DNAJB13: variants seen among roughly 807,000 people sequenced by gnomAD.
The protein encoded by DNAJB13 is dnaJ homolog subfamily B member 13.
In DNAJB13, 22 loss-of-function variants were observed where a neutral mutation model predicts 35.6. That is an observed-to-expected ratio of 0.62 (90% CI 0.44 to 0.88). The LOEUF is 0.88. Among genes scored for constraint, DNAJB13 ranks in the 40% least tolerant of loss-of-function variants. The pLI is 0.00. For synonymous variants in DNAJB13, 136 were observed against 144.2 expected (o/e 0.94, Z 0.41); for missense variants, 370 against 384.3 (o/e 0.96, Z 0.31).
chr11:73,958,153 T>C (rs1021135285), intron 1 of DNAJB13, among the ~76,000 whole-genome samples, 164 bp from the exon 2 acceptor site: 1 of 152,172 alleles, frequency 6.6e-6, no homozygotes, highest in African/African-American at 2.4e-5. Flanking sequence ...CCGCACCAGC[T>C]ACTCTTCAAG....
intron 1 of DNAJB13, among the ~76,000 whole-genome samples, chr11:73,956,510 G>A (rs1231745858): frequency 6.6e-6 from 1 of 152,260 alleles, no homozygotes; most frequent in Admixed American, 6.5e-5. Context: ...TGGTCAGAAA[G>A]TATTTCAGAA....
intron 3 of DNAJB13, among the ~76,000 whole-genome samples, chr11:73,963,399 T>C (rs1439649717): frequency 6.6e-6 from 1 of 151,290 alleles, no homozygotes; most frequent in Non-Finnish European, 1.5e-5. Context: ...AGTCCAAAAA[T>C]GCCATACAGT....
rs1383492600 is a variant in DNAJB13, at chr11:73,960,259, C to A, written c.334+604C>A. Among the ~76,000 whole-genome samples, 4 of 152,188 alleles carry A rather than the reference C, an allele frequency of 2.6e-5. 1 individual carries two copies. The highest frequency in any genetic ancestry group is 2.6e-4 in the Admixed American group (4 of 15,278). On this transcript the variant is annotated intron_variant, in intron 3 of 7. Transcript: ENST00000339764. ...GTGGCATGATCTCTGCTCACTGCAACCTCCGCCTCCGGGGTTCAAGCAGTT... is the reference window on the plus strand; with the variant it reads ...GTGGCATGATCTCTGCTCACTGCAAACTCCGCCTCCGGGGTTCAAGCAGTT...
chr11:73,959,272 C>A (rs1950853791), intron 2 of DNAJB13, among the ~76,000 whole-genome samples: 1 of 152,180 alleles, frequency 6.6e-6, no homozygotes, highest in Non-Finnish European at 1.5e-5. Context: ...CAAGGCTTTC[C>A]CGTCTCTCTT....
intron 4 of DNAJB13, 188 bp downstream of exon 4, chr11:73,965,223 C>T: frequency 1.6e-6 from 1 of 608,746 alleles, no homozygotes; most frequent in Non-Finnish European, 2.7e-6. Context: ...AGACATTAGC[C>T]CGGTTCTTTC....
At position 73,956,878 on chromosome 11, in the gene DNAJB13, G is replaced by C. The variant is rs1207332532; in HGVS notation, c.69-1439G>C. ...TACCTTGGAGAGGAGATGGCAAGTAGGCACTTGGAGGTAGTCTTTGGCTCA... is the reference window on the plus strand; with the variant it reads ...TACCTTGGAGAGGAGATGGCAAGTACGCACTTGGAGGTAGTCTTTGGCTCA... On this transcript the variant is annotated intron_variant, in intron 1 of 7. Transcript: ENST00000339764. Among the ~76,000 whole-genome samples the C allele has an allele frequency of 2.6e-5, 4 of 152,028 alleles. No homozygotes were observed. The East Asian group carries it at 7.7e-4, about 29-fold the overall frequency.
chr11:73,968,032 G>A (rs754444349), intron 5 of DNAJB13: 15 of 488,032 alleles, frequency 3.1e-5, no homozygotes, highest in South Asian at 4.3e-5. Flanking sequence ...AGAGACATAC[G>A]GGCAGTTGCC....
rs1167465343 is a variant in DNAJB13, at chr11:73,970,182, C to T, written c.*68C>T. 13 of 1,524,854 alleles carry T rather than the reference C, an allele frequency of 8.5e-6. No homozygotes were observed. The highest frequency in any genetic ancestry group is 4.6e-5 in the East Asian group (2 of 43,818). 94.5% of individuals were successfully genotyped at this position (1,524,854 alleles called of 1,614,324 possible). A position where few individuals can be genotyped will look rare whatever the true frequency, so the allele number is the denominator to read the frequency against. ...CTCACCCCACCCCTACCCGCCACAG[C>T]CTCAGGGTGTGCAGGGGAGCCTGCT... On this transcript the variant is annotated 3_prime_UTR_variant, in exon 8 of 8. Transcript: ENST00000339764.
chr11:73,955,061 A>G (rs1950702166), intron 1 of DNAJB13, among the ~76,000 whole-genome samples: 1 of 152,166 alleles, frequency 6.6e-6, no homozygotes, highest in African/African-American at 2.4e-5. Context: ...CACATGTATG[A>G]CATGCTTGCT....
At chr11:73,952,701 C>T (rs865844905) in intron 1 of DNAJB13, among the ~76,000 whole-genome samples, 8 of 152,150 alleles carry the variant, frequency 5.3e-5, no homozygotes, top group Non-Finnish European at 7.4e-5. Flanking sequence ...GGGCAGTGGG[C>T]GTGCAGAAAG....
intron 1 of DNAJB13, among the ~76,000 whole-genome samples, chr11:73,953,268 G>C (rs1005042536): frequency 6.6e-6 from 1 of 152,280 alleles, no homozygotes; most frequent in African/African-American, 2.4e-5. Flanking sequence ...GCTCATGCCT[G>C]TAATCCCAGC....
At position 73,956,474 on chromosome 11, in the gene DNAJB13, T is replaced by A. The variant is rs571276143; in HGVS notation, c.69-1843T>A. ...ATGCTGGAGACAATGGGGAAACCAG[T>A]GAAGGGTTATGCCAGGAGAGGGACC... On this transcript the variant is annotated intron_variant, in intron 1 of 7. Coordinates refer to ENST00000339764, the MANE Select transcript of DNAJB13 (RefSeq NM_153614.4). 3.9e-5 allele frequency among the ~76,000 whole-genome samples: 6 copies of A among 152,022 alleles called. No homozygotes were observed. In the South Asian group the frequency reaches 1.2e-3, roughly 32 times the overall value.
chr11:73,959,248 GC>G (rs1028157655), intron 2 of DNAJB13, among the ~76,000 whole-genome samples: 2 of 152,026 alleles, frequency 1.3e-5, no homozygotes, highest in Non-Finnish European at 1.5e-5. Context: ...CTCTCACCCT[GC>G]CCCCAGCAAA....
intron 1 of DNAJB13, among the ~76,000 whole-genome samples, chr11:73,951,890 C>T (rs1447253570): frequency 1.3e-5 from 2 of 152,208 alleles, no homozygotes; most frequent in Non-Finnish European, 1.5e-5. Context: ...TGGTGATCCA[C>T]CCGCCTCAGC....
At chr11:73,951,723 C>T (rs1017241109) in intron 1 of DNAJB13, among the ~76,000 whole-genome samples, 30 of 152,108 alleles carry the variant, frequency 2.0e-4, no homozygotes, top group African/African-American at 5.6e-4. Flanking sequence ...CTCGGCTCAC[C>T]GCAACCTCCA....
intron 3 of DNAJB13, 148 bp from the exon 4 acceptor site, chr11:73,964,730 C>CT (rs1368510674): frequency 2.3e-6 from 2 of 866,242 alleles, no homozygotes; most frequent in Non-Finnish European, 3.6e-6. Context: ...ACACAGGACA[C>CT]TGAAGAGGTT....
intron 4 of DNAJB13, 91 bp downstream of exon 4, chr11:73,965,126 A>G: frequency 1.0e-5 from 14 of 1,336,102 alleles, no homozygotes; most frequent in South Asian, 4.3e-5. Context: ...GGACTCAGGG[A>G]TGGTCTCTGA....
intron 3 of DNAJB13, among the ~76,000 whole-genome samples, chr11:73,960,741 CT>C (rs2135310276): frequency 6.6e-6 from 1 of 152,110 alleles, no homozygotes; most frequent in African/African-American, 2.4e-5. Flanking sequence ...TTACAGAAGC[CT>C]TTTATTAAGG....
intron 2 of DNAJB13, among the ~76,000 whole-genome samples, 198 bp from the exon 3 acceptor site, chr11:73,959,296 G>A (rs1198683357): frequency 6.6e-6 from 1 of 152,112 alleles, no homozygotes; most frequent in African/African-American, 2.4e-5. Context: ...GGCTACAGGA[G>A]CCATACCTAG....
Sources: gnomAD v4.1 joint callset for allele counts (sites outside exome capture counted in the v4.1 genomes callset) on GRCh38, gnomAD v4.1.1 for gene constraint, MANE v1.5 for transcripts, NCBI Gene and HGNC (gene_info 2026-07-23, HGNC 2026-07-21) for gene names.